ADGRL3: variants seen among roughly 807,000 people sequenced by gnomAD.
ADGRL3 encodes adhesion G protein-coupled receptor L3.
Under a neutral mutation model 153.5 loss-of-function variants are expected in ADGRL3, and 62 were observed. The ratio of observed to expected loss-of-function variants is 0.40; its 90% CI spans 0.33 to 0.50. The LOEUF (loss-of-function observed/expected upper bound fraction) is 0.50. Ranked by LOEUF, ADGRL3 falls within the 20% of genes least tolerant of loss-of-function variation. ADGRL3 has a pLI of 0.47. For missense variants in ADGRL3, 1,641 were observed against 1,859.4 expected (o/e 0.88, Z 2.16); for synonymous variants, 710 against 672.5 (o/e 1.06, Z -0.86).
intron 2 of ADGRL3, among the ~76,000 whole-genome samples, chr4:61,442,857 T>A (rs1349303811): frequency 2.6e-5 from 4 of 152,158 alleles, no homozygotes; most frequent in Non-Finnish European, 4.4e-5. Context: ...TATTATAGTT[T>A]TTCCTTTCCA....
At chr4:62,069,547 A>G (rs1001261335) in intron 26 of ADGRL3, among the ~76,000 whole-genome samples, 1 of 151,986 alleles carries the variant, frequency 6.6e-6, no homozygotes, top group African/African-American at 2.4e-5. Flanking sequence ...GTGGTTTTGT[A>G]TGAAGGGATT....
intron 25 of ADGRL3, among the ~76,000 whole-genome samples, chr4:62,053,095 T>C (rs998050397): frequency 3.3e-5 from 5 of 151,486 alleles, no homozygotes; most frequent in African/African-American, 1.2e-4. Context: ...ATATATAATA[T>C]TCAAAGTTAA....
At chr4:61,513,643 G>C (rs568812165) in intron 3 of ADGRL3, among the ~76,000 whole-genome samples, 1 of 152,136 alleles carries the variant, frequency 6.6e-6, no homozygotes, top group African/African-American at 2.4e-5. Flanking sequence ...CAAATATAAG[G>C]ATGATTTGTA....
chr4:61,308,024 G>A (rs902329714), intron 1 of ADGRL3, among the ~76,000 whole-genome samples: 1 of 152,104 alleles, frequency 6.6e-6, no homozygotes, highest in Non-Finnish European at 1.5e-5. Context: ...ATTTGTCCAG[G>A]AAGAAGCTGG....
rs528421760 is a variant in ADGRL3 at position 61,372,913 on chromosome 4, C to T, written c.-239-10211C>T. The stretch of plus-strand genomic sequence containing the variant: ...GGGGCAGGACCCTCCGAGCCAGGTG[C>T]GGGATATAATCTCGTGGTGCGCCCT... On this transcript the variant is annotated intron_variant, in intron 1 of 26. Transcript: ENST00000683033. 3.3e-3 allele frequency among the ~76,000 whole-genome samples: 503 copies of T among 152,246 alleles called. 5 individuals carry two copies. Among genetic ancestry groups the T allele is most frequent in the African/African-American group, 0.011 (444 of 41,534 alleles).
chr4:61,851,501 A>G (rs2098202352), intron 9 of ADGRL3, among the ~76,000 whole-genome samples: 1 of 149,064 alleles, frequency 6.7e-6, no homozygotes, highest in Admixed American at 6.7e-5. Flanking sequence ...AGGCAGGAGG[A>G]TAGCTTGAGC....
At chr4:61,315,996 A>C (rs2095198059) in intron 1 of ADGRL3, among the ~76,000 whole-genome samples, 1 of 152,172 alleles carries the variant, frequency 6.6e-6, no homozygotes, top group Non-Finnish European at 1.5e-5. Context: ...ATAACAATAA[A>C]CAAATTTGTT....
chr4:61,841,120 C>T (rs552910208), intron 9 of ADGRL3, among the ~76,000 whole-genome samples: 42 of 152,146 alleles, frequency 2.8e-4, no homozygotes, highest in Non-Finnish European at 5.3e-4. Context: ...ACCTCCTCCC[C>T]CTTTCTTTCT....
At chr4:61,933,875 T>G (rs1051176050) in intron 13 of ADGRL3, 1 of 152,218 alleles carries the variant, frequency 6.6e-6, no homozygotes, top group Non-Finnish European at 1.5e-5. Context: ...GTGCCTGTGT[T>G]GGCTGTTTAT....
chr4:61,257,836 G>GGGGT (rs1553886092), intron 1 of ADGRL3, among the ~76,000 whole-genome samples: 1 of 150,632 alleles, frequency 6.6e-6, no homozygotes, highest in African/African-American at 2.4e-5. Context: ...TTGAATTAGA[G>GGGGT]GTGTGTGTGT....
At chr4:61,625,267 G>C (rs2092764203) in intron 5 of ADGRL3, among the ~76,000 whole-genome samples, 2 of 151,872 alleles carry the variant, frequency 1.3e-5, no homozygotes, top group Admixed American at 1.3e-4. Flanking sequence ...TTTGTGGGTG[G>C]GGTAGGCCAT....
chr4:62,037,285 C>T (rs28674576), intron 23 of ADGRL3, among the ~76,000 whole-genome samples: 2 of 152,166 alleles, frequency 1.3e-5, no homozygotes, highest in African/African-American at 2.4e-5. Flanking sequence ...CTCTCTCCCC[C>T]ACTTCTTACC....
At chr4:61,700,253 A>G (rs909102255) in intron 6 of ADGRL3, among the ~76,000 whole-genome samples, 7 of 152,196 alleles carry the variant, frequency 4.6e-5, no homozygotes, top group African/African-American at 1.4e-4. Flanking sequence ...AGTATACATA[A>G]TTACTTTAAG....
chr4:61,229,483 G>A lies in ADGRL3; in HGVS notation c.-240+27718G>A, dbSNP rs943532875. 2.0e-5 allele frequency among the ~76,000 whole-genome samples: 3 copies of A among 151,326 alleles called. No individual in the cohort carries two copies. The South Asian group carries it at 6.2e-4, about 31-fold the overall frequency. ...ATTTTTTTTAGATTTGAATTTTAAC[G>A]TAGTATACATCATACCCTTCAGAGG... On this transcript the variant is annotated intron_variant, in intron 1 of 26. Transcript: ENST00000683033.
chr4:61,407,573 A>G (rs1250523938), intron 2 of ADGRL3, among the ~76,000 whole-genome samples: 4 of 152,156 alleles, frequency 2.6e-5, no homozygotes, highest in Admixed American at 6.6e-5. Context: ...GTGTAAACCA[A>G]TTTTTAGTTT....
At chr4:61,704,102 A>G (rs919841291) in intron 6 of ADGRL3, among the ~76,000 whole-genome samples, 2 of 152,190 alleles carry the variant, frequency 1.3e-5, no homozygotes, top group Non-Finnish European at 2.9e-5. Flanking sequence ...AAAGATTTTA[A>G]TGGGAACATA....
intron 2 of ADGRL3, among the ~76,000 whole-genome samples, chr4:61,471,232 T>C (rs533716874): frequency 6.6e-6 from 1 of 151,964 alleles, no homozygotes; most frequent in South Asian, 2.1e-4. Context: ...GTCTATATTT[T>C]CCATGGAACT....
intron 13 of ADGRL3, among the ~76,000 whole-genome samples, chr4:61,929,771 T>C (rs2098809740): frequency 6.6e-6 from 1 of 151,994 alleles, no homozygotes; most frequent in African/African-American, 2.4e-5. Context: ...AGGTAATAGG[T>C]TTAAGGATGG....
intron 21 of ADGRL3, among the ~76,000 whole-genome samples, chr4:62,000,893 C>T (rs943212968): frequency 6.6e-5 from 10 of 151,954 alleles, no homozygotes; most frequent in Non-Finnish European, 1.3e-4. Flanking sequence ...GATACCCTCC[C>T]ACCTCAGCAT....
Sources: gnomAD v4.1 joint callset for allele counts (sites outside exome capture counted in the v4.1 genomes callset) on GRCh38, gnomAD v4.1.1 for gene constraint, MANE v1.5 for transcripts, NCBI Gene and HGNC (gene_info 2026-07-23, HGNC 2026-07-21) for gene names.